Variants in CACNA1B observed in about 807,000 individuals in gnomAD.
The protein encoded by CACNA1B is calcium voltage-gated channel subunit alpha1 B, also known as voltage-dependent N-type calcium channel subunit alpha-1B.
CACNA1B carries 70 observed loss-of-function variants against 247.2 expected under a neutral mutation model. That is an observed-to-expected ratio of 0.28 (90% CI 0.23 to 0.35). The LOEUF (loss-of-function observed/expected upper bound fraction) is 0.35. Ranked by LOEUF, CACNA1B falls within the 10% of genes least tolerant of loss-of-function variation. CACNA1B has a pLI of 1.00. For missense variants in CACNA1B, 2,367 were observed against 3,197.4 expected (o/e 0.74, Z 6.26); for synonymous variants, 1,231 against 1,294.4 (o/e 0.95, Z 1.05).
At position 138,073,370 on chromosome 9, in the gene CACNA1B, C is replaced by T. The variant is rs1156991903; in HGVS notation, c.4675-118C>T. 2 of 657,254 alleles carry T rather than the reference C, an allele frequency of 3.0e-6. No homozygotes were observed. Among genetic ancestry groups the T allele is most frequent in the Non-Finnish European group, 5.5e-6 (2 of 360,654 alleles). 40.7% of individuals were successfully genotyped at this position (657,254 alleles called of 1,614,324 possible). On this transcript the variant is annotated intron_variant, in intron 32 of 46. Transcript: ENST00000371372. This position sits in a 1 kb window ranked among gnomAD's most constrained non-coding sequence, Gnocchi z 6.4. ...TGAAGCAGAGACCTTTGATTTTAAT[C>T]TTTTTAACCACTTTTCTTTGGGGCC...
At chr9:137,963,897 G>A (rs1039195529) in intron 10 of CACNA1B, among the ~76,000 whole-genome samples, 4 of 152,136 alleles carry the variant, frequency 2.6e-5, no homozygotes, top group Non-Finnish European at 4.4e-5. Context: ...TGGTAATAAC[G>A]AATTCCCTCA....
intron 37 of CACNA1B, among the ~76,000 whole-genome samples, chr9:138,097,646 G>A (rs1961099144): frequency 6.6e-6 from 1 of 152,128 alleles, no homozygotes; most frequent in African/African-American, 2.4e-5. Context: ...AGGGGGATGA[G>A]GGAACCGTGG....
rs1449633937 is a variant in CACNA1B at position 138,023,101 on chromosome 9, G to A, written c.2358G>A (p.Ala786=). ...AGAACCTGCGGGCCAGCTGCGAGGC[G>A]CTGTACAGCGAGATGGACCCCGAGG... is the stretch of plus-strand genomic sequence containing the variant. ...RLQNLRASCE[A]LYSEMDPEER... Residue 786 remains alanine (A), a synonymous_variant, in exon 19 of 47, where the codon GCG becomes GCA. Transcript: ENST00000371372. The A allele has an allele frequency of 6.5e-7, 1 of 1,533,372 alleles. No individual in the cohort carries two copies. The highest frequency in any genetic ancestry group is 1.2e-5 in the South Asian group (1 of 83,658). 95.0% of individuals were successfully genotyped at this position (1,533,372 alleles called of 1,614,324 possible).
intron 15 of CACNA1B, among the ~76,000 whole-genome samples, chr9:138,004,549 CAAAAAAAA>C (rs762250306): frequency 1.6e-5 from 1 of 62,456 alleles, no homozygotes; most frequent in Non-Finnish European, 3.6e-5. Flanking sequence ...GACCCTGTCT[CAAAAAAAA>C]AAAAAAAAAA....
At chr9:137,906,310 G>A (rs1042858501) in intron 3 of CACNA1B, among the ~76,000 whole-genome samples, 1 of 152,204 alleles carries the variant, frequency 6.6e-6, no homozygotes, top group Non-Finnish European at 1.5e-5. Flanking sequence ...TTGTCAGAGA[G>A]CGTCCTGGTG....
Position 137,914,839 on chromosome 9 carries a change from A to G in CACNA1B, c.775+33A>G, listed in dbSNP as rs200521478. The G allele has an allele frequency of 6.2e-7, 1 of 1,611,058 alleles. No individual in the cohort carries two copies. Among genetic ancestry groups the G allele is most frequent in the Non-Finnish European group, 8.5e-7 (1 of 1,178,134 alleles). ...CAGGCAGCACCCTCCAGCACAGGCA[A>G]GTGCCACGGATGCGTTCATCCAGGA... On this transcript the variant is annotated intron_variant, in intron 5 of 46. Coordinates refer to ENST00000371372, the MANE Select transcript of CACNA1B (RefSeq NM_000718.4). The surrounding 1 kb of genome is among the most constrained non-coding windows in gnomAD (Gnocchi z 4.3).
At chr9:138,004,572 G>T (rs1958623499) in intron 15 of CACNA1B, among the ~76,000 whole-genome samples, 2 of 151,368 alleles carry the variant, frequency 1.3e-5, no homozygotes, top group Non-Finnish European at 2.9e-5. Flanking sequence ...AAAAAAAATG[G>T]AGAAACCTCA....
rs1366415054 is a variant in CACNA1B at position 138,043,865 on chromosome 9, A to G, written c.3378A>G (p.Pro1126=). Residue 1126 remains proline (P), a synonymous_variant, in exon 21 of 47, where the codon CCA becomes CCG. Coordinates refer to ENST00000371372, the MANE Select transcript of CACNA1B (RefSeq NM_000718.4). ...GGAGCGGCCCCCGGCCTATCGTCCC[A>G]TACAGCTCCATGTTCTGTTTAAGCC... ...VMRSGPRPIV[P]YSSMFCLSPT... The G allele has an allele frequency of 6.2e-7, 1 of 1,614,026 alleles. No individual in the cohort carries two copies. The highest frequency in any genetic ancestry group is 1.1e-5 in the South Asian group (1 of 91,088).
At chr9:137,953,736 A>T (rs1957906513) in intron 7 of CACNA1B, among the ~76,000 whole-genome samples, 2 of 152,016 alleles carry the variant, frequency 1.3e-5, no homozygotes, top group Non-Finnish European at 2.9e-5. Flanking sequence ...GCTGGGGTGG[A>T]GGCACAGTGG....
chr9:138,015,863 A>G (rs1315071876), intron 18 of CACNA1B, among the ~76,000 whole-genome samples: 2 of 152,198 alleles, frequency 1.3e-5, no homozygotes, highest in Non-Finnish European at 2.9e-5. Flanking sequence ...CTGCTGGGTC[A>G]GCCTCATCCT....
intron 19 of CACNA1B, 59 bp downstream of exon 19, chr9:138,023,870 C>G: frequency 1.2e-6 from 1 of 847,986 alleles, no homozygotes; most frequent in South Asian, 1.4e-5. Flanking sequence ...GGCGCGGGCC[C>G]CAGCGGTGGC....
rs555196592 is a variant in CACNA1B at position 137,985,545 on chromosome 9, C to A, written c.1770-868C>A. Among the ~76,000 whole-genome samples, 3 of 152,328 alleles carry A rather than the reference C, an allele frequency of 2.0e-5. No homozygotes were observed. In the East Asian group the frequency reaches 5.8e-4, roughly 29 times the overall value. ...GTCTTCCATCCCGTCTGCCATTAGC[C>A]CTCAGGTACTTTGTAAGAGAATCCA... On this transcript the variant is annotated intron_variant, in intron 13 of 46. Coordinates refer to ENST00000371372, the MANE Select transcript of CACNA1B (RefSeq NM_000718.4).
rs571280266 is a variant in CACNA1B, at chr9:137,905,224, G to C, written c.531-7956G>C. On this transcript the variant is annotated intron_variant, in intron 3 of 46. Transcript: ENST00000371372. Reference sequence around the variant, plus strand: ...AAAAATTAGCCAGGTGTGGTGGCACGTGCCTGTAGTCCCAGCTACTTGGGA... The same window carrying C: ...AAAAATTAGCCAGGTGTGGTGGCACCTGCCTGTAGTCCCAGCTACTTGGGA... 6.9e-4 allele frequency among the ~76,000 whole-genome samples: 105 copies of C among 152,026 alleles called. 1 individual carries two copies. The South Asian group carries it at 0.021, about 30-fold the overall frequency.
chr9:137,907,212 G>T (rs1010068590), intron 3 of CACNA1B, among the ~76,000 whole-genome samples: 1 of 152,164 alleles, frequency 6.6e-6, no homozygotes, highest in African/African-American at 2.4e-5. Context: ...CCATGTTAAC[G>T]TGCATAGGCT....
intron 10 of CACNA1B, among the ~76,000 whole-genome samples, chr9:137,960,223 G>T (rs1395776667): frequency 3.3e-3 from 455 of 139,518 alleles, no homozygotes; most frequent in Middle Eastern, 4.5e-3. Context: ...AAGGTCGGCC[G>T]GAGGGAAGCC....
In CACNA1B at chr9:138,092,599, G is replaced by A. The variant is rs144611064; in HGVS notation, c.5095-3885G>A. Among the ~76,000 whole-genome samples, 710 of 152,240 alleles carry A rather than the reference G, an allele frequency of 4.7e-3. 7 individuals carry two copies. The highest frequency in any genetic ancestry group is 0.017 in the African/African-American group (688 of 41,532). ...GTACAGATAACGCAATCATCACAGG[G>A]TCCTGAGGTGACATACATCCTCAGC... On this transcript the variant is annotated intron_variant, in intron 36 of 46. Coordinates refer to ENST00000371372, the MANE Select transcript of CACNA1B (RefSeq NM_000718.4).
intron 36 of CACNA1B, 124 bp downstream of exon 36, chr9:138,078,382 T>C (rs564262903): frequency 2.2e-6 from 2 of 929,314 alleles, no homozygotes; most frequent in South Asian, 1.8e-5. Flanking sequence ...GAGTCCATGC[T>C]GATGGCCCTT....
intron 6 of CACNA1B, among the ~76,000 whole-genome samples, chr9:137,946,342 C>T (rs1589024573): frequency 6.6e-6 from 1 of 152,126 alleles, no homozygotes; most frequent in African/African-American, 2.4e-5. Context: ...GCTAACTCTA[C>T]AGGAGAATTT....
chr9:137,960,205 G>GGGAGGTCAGCCTGAGAGACGCCACGT (rs1957997587), intron 10 of CACNA1B, among the ~76,000 whole-genome samples: 3 of 53,412 alleles, frequency 5.6e-5, no homozygotes, highest in African/African-American at 6.6e-5. Context: ...TGAGGGGGAG[G>GGGAGGTCAGCCTGAGAGACGCCACGT]GGGAGGGAAG....
Sources: allele counts gnomAD v4.1 joint callset (sites outside exome capture counted in the v4.1 genomes callset), GRCh38; gene constraint gnomAD v4.1.1; non-coding constraint Gnocchi (gnomAD v3.1); transcripts MANE v1.5; gene names NCBI Gene and HGNC (gene_info 2026-07-23, HGNC 2026-07-21).